Variants in PADI3 observed in about 807,000 individuals in gnomAD.
The protein encoded by PADI3 is peptidyl arginine deiminase 3.
In PADI3, 53 loss-of-function variants were observed where a neutral mutation model predicts 71.5. The observed-to-expected ratio is 0.74, with a 90% CI of 0.59 to 0.93. The LOEUF is 0.93. Among genes scored for constraint, PADI3 ranks in the 40% least tolerant of loss-of-function variants. The pLI is 0.00. For missense variants in PADI3, 821 were observed against 868.0 expected (o/e 0.95, Z 0.68); for synonymous variants, 361 against 347.5 (o/e 1.04, Z -0.43).
At chr1:17,273,291 A>G in intron 9 of PADI3, 49 bp from the exon 10 acceptor site, 1 of 1,424,164 alleles carries the variant, frequency 7.0e-7, no homozygotes, top group Non-Finnish European at 9.8e-7. Flanking sequence ...CAGCAGGGGC[A>G]GCTGTTGACT....
intron 15 of PADI3, among the ~76,000 whole-genome samples, chr1:17,282,391 C>G (rs1421605833): frequency 6.6e-6 from 1 of 152,168 alleles, no homozygotes; most frequent in Non-Finnish European, 1.5e-5. Context: ...CTTTGCTTCT[C>G]TGTTCCTGGG....
intron 13 of PADI3, among the ~76,000 whole-genome samples, chr1:17,279,299 C>T (rs1036129970): frequency 8.5e-5 from 13 of 152,178 alleles, no homozygotes; most frequent in Admixed American, 7.2e-4. Context: ...CCAGGCCTCA[C>T]GCTGTGTGCA....
intron 13 of PADI3, 62 bp downstream of exon 13, chr1:17,276,938 A>T: frequency 7.1e-7 from 1 of 1,412,724 alleles, no homozygotes; most frequent in Non-Finnish European, 9.7e-7. Flanking sequence ...ATTAAGACAC[A>T]TCATGGCTTG....
rs993124952 is a variant in PADI3 at position 17,258,980 on chromosome 1, C to T, written c.93-598C>T. Among the ~76,000 whole-genome samples the T allele has an allele frequency of 5.3e-5, 8 of 152,360 alleles. No individual in the cohort carries two copies. In the East Asian group the frequency reaches 5.8e-4, roughly 11 times the overall value. On this transcript the variant is annotated intron_variant, in intron 1 of 15. Coordinates refer to ENST00000375460, the MANE Select transcript of PADI3 (RefSeq NM_016233.2). ...GAGCACATGGCTGGCTTCTGACTTC[C>T]GAAGAGCTCGCCATTCTGGTGAGTG...
chr1:17,273,277 G>C (rs938730315), intron 9 of PADI3, 63 bp from the exon 10 acceptor site: 3 of 1,340,372 alleles, frequency 2.2e-6, no homozygotes, highest in African/African-American at 2.9e-5. Context: ...GCTCAGAGCC[G>C]AGCCAGCAGG....
chr1:17,277,038 C>T (rs994923315), intron 13 of PADI3, among the ~76,000 whole-genome samples, 162 bp downstream of exon 13: 1 of 152,198 alleles, frequency 6.6e-6, no homozygotes, highest in Admixed American at 6.5e-5. Context: ...TCACCAGACA[C>T]CACTGCCCAC....
chr1:17,253,972 A>G lies in PADI3; in HGVS notation c.92+4743A>G, dbSNP rs553549085. Among the ~76,000 whole-genome samples, 23 of 152,322 alleles carry G rather than the reference A, an allele frequency of 1.5e-4. 2 individuals are homozygous for G. The South Asian group carries it at 4.8e-3, about 32-fold the overall frequency. Reference sequence around the variant, plus strand: ...TCCCTGATTTGACAAAGCAGCTTCCATTCTGTCAACATCGGATTTTGTTTG... The same window carrying G: ...TCCCTGATTTGACAAAGCAGCTTCCGTTCTGTCAACATCGGATTTTGTTTG... On this transcript the variant is annotated intron_variant, in intron 1 of 15. Transcript: ENST00000375460.
intron 2 of PADI3, among the ~76,000 whole-genome samples, chr1:17,261,110 C>A (rs1054869633): frequency 6.6e-6 from 1 of 152,136 alleles, no homozygotes. Context: ...GGTGAGTGGC[C>A]CCTGCAAGAT....
intron 1 of PADI3, among the ~76,000 whole-genome samples, chr1:17,252,907 A>C (rs559233703): frequency 2.0e-5 from 3 of 152,034 alleles, no homozygotes; most frequent in African/African-American, 7.2e-5. Flanking sequence ...GAAGCTGGTC[A>C]CCTTTGGGAT....
intron 7 of PADI3, 148 bp from the exon 8 acceptor site, chr1:17,270,731 C>T (rs2073235893): frequency 9.2e-6 from 6 of 651,766 alleles, no homozygotes; most frequent in South Asian, 7.4e-5. Context: ...TGTGAAAGAC[C>T]CCAGACTTCT....
intron 1 of PADI3, among the ~76,000 whole-genome samples, chr1:17,254,041 G>C (rs72909138): frequency 0.062 from 9,515 of 152,282 alleles, 349 homozygotes; most frequent in African/African-American, 0.092. Flanking sequence ...TGGGCCCTTG[G>C]GGGGATTGGT....
At chr1:17,282,655 C>T (rs899787921) in intron 15 of PADI3, among the ~76,000 whole-genome samples, 191 bp from the exon 16 acceptor site, 1 of 152,242 alleles carries the variant, frequency 6.6e-6, no homozygotes, top group Admixed American at 6.5e-5. Context: ...GTGAGTTCTG[C>T]GGATGCTCCC....
Position 17,280,668 on chromosome 1 carries a change from C to A in PADI3, c.1636-3C>A, listed in dbSNP as rs1238241192. On this transcript the variant is annotated splice_polypyrimidine_tract_variant and splice_region_variant and intron_variant, in intron 14 of 15. Transcript: ENST00000375460. ...CCCAACTCTGGCCCTCCCCTGCCCC[C>A]AGAGCTGCATCGACTGGAACCGTGA... is the stretch of plus-strand genomic sequence containing the variant. 1 of 1,614,146 alleles carries A rather than the reference C, an allele frequency of 6.2e-7. No individual in the cohort carries two copies. The highest frequency in any genetic ancestry group is 8.5e-7 in the Non-Finnish European group (1 of 1,180,020).
In PADI3 at chr1:17,276,404, TG is replaced by T. The variant is rs565921662; in HGVS notation, c.1308-114del. On this transcript the variant is annotated intron_variant, in intron 11 of 15. Coordinates refer to ENST00000375460, the MANE Select transcript of PADI3 (RefSeq NM_016233.2). ...CTTTCCTGTTTATAAAAGTAATGCA[TG>T]TTTTTTTGTTTTTTAAAAATCAGAT... 87 of 918,602 alleles carry T rather than the reference TG, an allele frequency of 9.5e-5. No individual in the cohort carries two copies. The East Asian group carries it at 1.5e-3, about 15-fold the overall frequency. The allele number at this position is 918,602 out of a possible 1,614,324, so 56.9% of individuals were successfully genotyped here. A position where few individuals can be genotyped will look rare whatever the true frequency, so the allele number is the denominator to read the frequency against.
At chr1:17,281,204 A>G (rs1376849313) in intron 15 of PADI3, among the ~76,000 whole-genome samples, 7 of 152,234 alleles carry the variant, frequency 4.6e-5, no homozygotes, top group Admixed American at 4.6e-4. Flanking sequence ...ATGATTAAGA[A>G]TGCCCCCTGC....
At chr1:17,260,691 G>A (rs936423504) in intron 2 of PADI3, among the ~76,000 whole-genome samples, 1 of 152,168 alleles carries the variant, frequency 6.6e-6, no homozygotes, top group African/African-American at 2.4e-5. Flanking sequence ...GAGGCACTTG[G>A]GGCAGGACCC....
At chr1:17,258,068 G>A (rs1050626358) in intron 1 of PADI3, among the ~76,000 whole-genome samples, 1 of 152,108 alleles carries the variant, frequency 6.6e-6, no homozygotes, top group Non-Finnish European at 1.5e-5. Flanking sequence ...ACTTAACCTC[G>A]GCTTTCTCAT....
At chr1:17,258,289 G>A (rs550114482) in intron 1 of PADI3, among the ~76,000 whole-genome samples, 2 of 152,322 alleles carry the variant, frequency 1.3e-5, no homozygotes, top group South Asian at 4.1e-4. Context: ...GTGGCCTTGA[G>A]CCCCATCTGG....
chr1:17,280,542 C>A, intron 14 of PADI3, 113 bp downstream of exon 14: 1 of 1,502,626 alleles, frequency 6.7e-7, no homozygotes, highest in Middle Eastern at 1.8e-4. Context: ...CAGGTTAGAA[C>A]AGGCCCAGAC....
Sources: allele counts gnomAD v4.1 joint callset (sites outside exome capture counted in the v4.1 genomes callset), GRCh38; gene constraint gnomAD v4.1.1; transcripts MANE v1.5; gene names NCBI Gene and HGNC (gene_info 2026-07-23, HGNC 2026-07-21).